Variants in PCDHA5 observed in about 807,000 individuals in gnomAD.
PCDHA5 encodes protocadherin alpha-5.
A neutral mutation model predicts 61.6 loss-of-function variants in PCDHA5; 43 were observed. The observed-to-expected ratio is 0.70, with a 90% CI of 0.55 to 0.90. The LOEUF (loss-of-function observed/expected upper bound fraction) is 0.90. Among genes scored for constraint, PCDHA5 ranks in the 40% least tolerant of loss-of-function variants. The pLI is 0.00. For missense variants in PCDHA5, 1,298 were observed against 1,222.7 expected, an observed-to-expected ratio of 1.06 and a Z score of -0.92; for synonymous variants, 627 against 543.9, an observed-to-expected ratio of 1.15 and a Z score of -2.13.
chr5:140,839,534 C>T (rs1554137499), intron 1 of PCDHA5, among the ~76,000 whole-genome samples: 2 of 151,968 alleles, frequency 1.3e-5, no homozygotes, highest in Non-Finnish European at 2.9e-5. Flanking sequence ...GGACTATAGG[C>T]ACACACCACC....
chr5:141,009,745 A>G lies in PCDHA5; in HGVS notation c.2619A>G (p.Lys873=). The G allele has an allele frequency of 6.2e-7, 1 of 1,614,104 alleles. No individual in the cohort carries two copies. The highest frequency in any genetic ancestry group is 8.5e-7 in the Non-Finnish European group (1 of 1,180,006). The part of the protein sequence containing the change: ...KQSGPGELPD[K]FIIPGSPAII... ...CCGGTCCCGGTGAGTTGCCCGACAA[A>G]TTCATTATCCCAGGATCTCCTGCAA... Residue 873 remains lysine, a synonymous_variant, in exon 4 of 4, where the codon AAA becomes AAG. Coordinates refer to ENST00000529859, the MANE Select transcript of PCDHA5 (RefSeq NM_018908.3).
chr5:140,995,709 G>C (rs1279829164), intron 3 of PCDHA5, among the ~76,000 whole-genome samples: 6 of 152,162 alleles, frequency 3.9e-5, no homozygotes, highest in African/African-American at 1.4e-4. Flanking sequence ...GCTGGGCTTG[G>C]AAATGTTCTT....
At chr5:140,911,952 G>A (rs2075698662) in intron 1 of PCDHA5, among the ~76,000 whole-genome samples, 1 of 152,170 alleles carries the variant, frequency 6.6e-6, no homozygotes, top group South Asian at 2.1e-4. Context: ...ATAAAGGGGA[G>A]GTTACTAAGG....
At chr5:140,843,511 C>A (rs2150361432) in intron 1 of PCDHA5, 3 of 1,595,670 alleles carry the variant, frequency 1.9e-6, no homozygotes, top group East Asian at 2.2e-5. Context: ...CCACTGAGGG[C>A]GGGTGCCGGG....
intron 1 of PCDHA5, chr5:140,927,716 G>A (rs782756674): frequency 2.5e-6 from 4 of 1,614,072 alleles, no homozygotes; most frequent in Non-Finnish European, 3.4e-6. Context: ...CTAAGCAACA[G>A]CACGCAAGCA....
rs2150496669 is a variant in PCDHA5 at position 140,850,740 on chromosome 5, T to C, written c.2352+26613T>C. 3.8e-6 allele frequency: 6 copies of C among 1,597,446 alleles called. No individual in the cohort carries two copies. In the South Asian group the frequency reaches 4.4e-5, roughly 12 times the overall value. On this transcript the variant is annotated intron_variant, in intron 1 of 3. Transcript: ENST00000529859. ...GTGTTCTAGCGCGGTGGGGAGTTGG[T>C]CGTACTCGCAGCAGAGGAGGCAGAG...
Position 140,856,765 on chromosome 5 carries a change from T to C in PCDHA5, c.2352+32638T>C, listed in dbSNP as rs1554149084. On this transcript the variant is annotated intron_variant, in intron 1 of 3. Transcript: ENST00000529859. ...TGTTAGATGCCAATGATAACGCCCCTATCTTTGACAGACCGGTTTATGAAG... is the reference window on the plus strand; with the variant it reads ...TGTTAGATGCCAATGATAACGCCCCCATCTTTGACAGACCGGTTTATGAAG... The C allele has an allele frequency of 2.5e-6, 4 of 1,596,946 alleles. No homozygotes were observed. In the South Asian group the frequency reaches 4.4e-5, roughly 18 times the overall value.
chr5:140,928,664 G>A (rs186350151), intron 1 of PCDHA5: 2 of 1,614,214 alleles, frequency 1.2e-6, no homozygotes, highest in Non-Finnish European at 1.7e-6. Context: ...GCTGACAGTG[G>A]TTCTAATGCC....
At chr5:140,947,010 A>C (rs924112965) in intron 1 of PCDHA5, among the ~76,000 whole-genome samples, 7 of 151,752 alleles carry the variant, frequency 4.6e-5, no homozygotes, top group African/African-American at 1.4e-4. Flanking sequence ...AGAAATGATA[A>C]ATGTTTGAGG....
intron 1 of PCDHA5, chr5:140,861,445 G>T (rs1196401790): frequency 2.0e-6 from 1 of 494,332 alleles, no homozygotes; most frequent in Non-Finnish European, 4.2e-6. Flanking sequence ...AAAAGCCGCA[G>T]AAACCTTCTG....
chr5:140,942,641 G>T (rs1198552335), intron 1 of PCDHA5, among the ~76,000 whole-genome samples: 1 of 151,754 alleles, frequency 6.6e-6, no homozygotes, highest in African/African-American at 2.4e-5. Flanking sequence ...TGGCAAAAGA[G>T]ATCTCATTCA....
At chr5:140,990,900 G>C (rs1164287326) in intron 3 of PCDHA5, among the ~76,000 whole-genome samples, 1 of 152,114 alleles carries the variant, frequency 6.6e-6, no homozygotes, top group Non-Finnish European at 1.5e-5. Flanking sequence ...TCGTTGCTGG[G>C]TCAAGTTTTA....
intron 1 of PCDHA5, chr5:140,853,187 G>A: frequency 1.0e-6 from 1 of 979,936 alleles, no homozygotes; most frequent in Non-Finnish European, 1.2e-6. Flanking sequence ...CCTAAAATGT[G>A]TTCTTTATTA....
intron 1 of PCDHA5, chr5:140,828,557 G>A (rs2150156689): frequency 6.2e-7 from 1 of 1,614,210 alleles, no homozygotes; most frequent in South Asian, 1.1e-5. Context: ...TCCACTGGAG[G>A]GCGCGTCCGA....
intron 1 of PCDHA5, chr5:140,967,716 T>C: frequency 1.2e-6 from 2 of 1,613,914 alleles, no homozygotes; most frequent in Non-Finnish European, 1.7e-6. Context: ...ACCGGGGAAG[T>C]GCGAGTAATT....
At chr5:140,897,240 A>T (rs1475170855) in intron 1 of PCDHA5, among the ~76,000 whole-genome samples, 5 of 151,908 alleles carry the variant, frequency 3.3e-5, no homozygotes, top group Non-Finnish European at 5.9e-5. Flanking sequence ...TGTGCAGGTT[A>T]GTTACATATG....
chr5:140,938,599 C>T (rs1554212246), intron 1 of PCDHA5, among the ~76,000 whole-genome samples: 1 of 152,048 alleles, frequency 6.6e-6, no homozygotes, highest in African/African-American at 2.4e-5. Flanking sequence ...ATAAACCAAT[C>T]TTGCATTCTT....
intron 1 of PCDHA5, chr5:140,860,593 T>C (rs782239381): frequency 6.6e-6 from 1 of 152,050 alleles, no homozygotes. Flanking sequence ...GGAAAGGAGT[T>C]GGAAGCTCAC....
chr5:140,946,631 T>TAC (rs374022482), intron 1 of PCDHA5, among the ~76,000 whole-genome samples: 8 of 131,856 alleles, frequency 6.1e-5, no homozygotes, highest in African/African-American at 1.7e-4. Context: ...TATATATATA[T>TAC]ACAATGGAAT....
Sources: allele counts gnomAD v4.1 joint callset (sites outside exome capture counted in the v4.1 genomes callset), GRCh38; gene constraint gnomAD v4.1.1; transcripts MANE v1.5; gene names NCBI Gene and HGNC (gene_info 2026-07-23, HGNC 2026-07-21).